Variants in LUZP2 observed in about 807,000 individuals in gnomAD.
LUZP2 encodes leucine zipper protein 2.
Under a neutral mutation model 51.6 loss-of-function variants are expected in LUZP2, and 52 were observed. The observed-to-expected ratio is 1.01, with a 90% CI of 0.81 to 1.27. LUZP2 has a LOEUF of 1.27. LUZP2 is among the 50% of genes most tolerant of loss of function. The pLI, the probability that LUZP2 is intolerant of heterozygous loss-of-function variation, is 0.00. For missense variants in LUZP2, 436 were observed against 395.4 expected (o/e 1.10, Z -0.87); for synonymous variants, 154 against 137.3 (o/e 1.12, Z -0.85).
At chr11:24,675,409 A>C (rs1298143777) in intron 1 of LUZP2, among the ~76,000 whole-genome samples, 3 of 152,212 alleles carry the variant, frequency 2.0e-5, no homozygotes, top group Non-Finnish European at 4.4e-5. Context: ...TACAAATTAG[A>C]TGGTCAAATT....
Position 25,016,933 on chromosome 11 carries a change from T to C in LUZP2, c.766-33105T>C, listed in dbSNP as rs545644524. Among the ~76,000 whole-genome samples, 20 of 122,792 alleles carry C rather than the reference T, an allele frequency of 1.6e-4. No homozygotes were observed. In the South Asian group the frequency reaches 4.5e-3, roughly 28 times the overall value. 80.6% of individuals were successfully genotyped at this position (122,792 alleles called of 152,430 possible). A position where few individuals can be genotyped will look rare whatever the true frequency, so the allele number is the denominator to read the frequency against. On this transcript the variant is annotated intron_variant, in intron 9 of 11. Coordinates refer to ENST00000336930, the MANE Select transcript of LUZP2 (RefSeq NM_001009909.4). ...CCTTTTCATCACTTCCTTGCCGACA[T>C]CATTTTTTTTTTACTTTTTAGTAAT...
chr11:24,860,045 C>A (rs1851691331), intron 5 of LUZP2, among the ~76,000 whole-genome samples: 2 of 152,222 alleles, frequency 1.3e-5, no homozygotes, highest in African/African-American at 4.8e-5. Flanking sequence ...CTGCCTAACT[C>A]CCCGTGCAGG....
At chr11:24,646,292 A>G (rs144399548) in intron 1 of LUZP2, among the ~76,000 whole-genome samples, 5 of 152,228 alleles carry the variant, frequency 3.3e-5, no homozygotes, top group Admixed American at 2.6e-4. Context: ...ATTTTCTACA[A>G]ATGCTTATAA....
At chr11:24,502,320 G>C (rs1265790057) in intron 1 of LUZP2, among the ~76,000 whole-genome samples, 1 of 152,130 alleles carries the variant, frequency 6.6e-6, no homozygotes, top group Admixed American at 6.6e-5. Context: ...AGAGAAGAGA[G>C]GAAGTCAGAG....
chr11:24,941,763 C>G (rs757182019), intron 7 of LUZP2, among the ~76,000 whole-genome samples: 1 of 152,010 alleles, frequency 6.6e-6, no homozygotes, highest in Non-Finnish European at 1.5e-5. Context: ...TATTTATTGT[C>G]AGCTATAAGT....
chr11:24,785,908 T>C (rs1849233184), intron 5 of LUZP2: 6 of 985,242 alleles, frequency 6.1e-6, no homozygotes, highest in Non-Finnish European at 7.2e-6. Flanking sequence ...GCAGCAGTTA[T>C]AACTAGCAGG....
intron 9 of LUZP2, among the ~76,000 whole-genome samples, chr11:25,010,150 C>A (rs1193501398): frequency 6.6e-6 from 1 of 152,164 alleles, no homozygotes; most frequent in South Asian, 2.1e-4. Flanking sequence ...CCAATAATTT[C>A]TATTCAAGTA....
chr11:24,772,141 C>T (rs547469904), intron 5 of LUZP2, among the ~76,000 whole-genome samples: 2 of 152,090 alleles, frequency 1.3e-5, no homozygotes, highest in South Asian at 4.1e-4. Context: ...TTGTGTTTTT[C>T]AAGGAAGAGG....
chr11:24,529,905 C>T (rs375440478), intron 1 of LUZP2, among the ~76,000 whole-genome samples: 18 of 150,890 alleles, frequency 1.2e-4, no homozygotes, highest in African/African-American at 3.6e-4. Context: ...ATAGATATCT[C>T]TATTTTATGA....
intron 5 of LUZP2, among the ~76,000 whole-genome samples, chr11:24,765,467 G>A (rs926847628): frequency 1.5e-4 from 23 of 152,030 alleles, no homozygotes; most frequent in African/African-American, 5.1e-4. Context: ...TTATCATAAA[G>A]GGATCCTGGA....
chr11:24,938,642 G>T (rs986920758), intron 7 of LUZP2, among the ~76,000 whole-genome samples: 3 of 151,472 alleles, frequency 2.0e-5, no homozygotes, highest in Admixed American at 6.6e-5. Context: ...CCTTCTTCAT[G>T]TATTAAATTT....
intron 4 of LUZP2, among the ~76,000 whole-genome samples, chr11:24,761,795 C>T (rs1337166792): frequency 6.6e-6 from 1 of 152,026 alleles, no homozygotes; most frequent in African/African-American, 2.4e-5. Flanking sequence ...ACAAATAAAT[C>T]TCATAAAGTT....
intron 1 of LUZP2, among the ~76,000 whole-genome samples, chr11:24,503,087 G>A (rs994785343): frequency 1.3e-4 from 20 of 152,218 alleles, no homozygotes; most frequent in East Asian, 9.7e-4. Flanking sequence ...CCCAACCATT[G>A]TAGTTTTGAA....
At chr11:24,749,016 A>G (rs901626339) in intron 4 of LUZP2, among the ~76,000 whole-genome samples, 2 of 152,226 alleles carry the variant, frequency 1.3e-5, no homozygotes, top group Non-Finnish European at 2.9e-5. Flanking sequence ...TGATATAGAT[A>G]GTTGATATAA....
rs145448171 is a variant in LUZP2, at chr11:24,729,185, C to G, written c.79C>G (p.Leu27Val). 8 of 1,569,152 alleles carry G rather than the reference C, an allele frequency of 5.1e-6. No homozygotes were observed. Among genetic ancestry groups the G allele is most frequent in the Non-Finnish European group, 7.0e-6 (8 of 1,150,136 alleles). ...CTGTGTTAGACAGGACTATGAAGAGCTAGAAAAGCAGCTGAAAGAAGTCTT... is the reference window on the plus strand; with the variant it reads ...CTGTGTTAGACAGGACTATGAAGAGGTAGAAAAGCAGCTGAAAGAAGTCTT... ...VLSTRQDYEE[L>V]EKQLKEVFKE... The change falls in exon 2 of 12, where the codon CTA becomes GTA. Residue 27 changes from leucine to valine, a missense_variant. Transcript: ENST00000336930.
intron 9 of LUZP2, among the ~76,000 whole-genome samples, chr11:24,983,664 T>G (rs2133915433): frequency 6.6e-6 from 1 of 151,734 alleles, no homozygotes; most frequent in Non-Finnish European, 1.5e-5. Context: ...TTCAGAAAGG[T>G]AAATCATTTT....
At chr11:24,738,166 G>A in intron 3 of LUZP2, 55 bp from the exon 4 acceptor site, 1 of 1,213,306 alleles carries the variant, frequency 8.2e-7, no homozygotes, top group Non-Finnish European at 1.2e-6. Context: ...ATGTTCATAG[G>A]AAATAATGGA....
intron 9 of LUZP2, among the ~76,000 whole-genome samples, chr11:25,012,708 A>G (rs893618412): frequency 1.3e-5 from 2 of 152,208 alleles, no homozygotes; most frequent in Non-Finnish European, 2.9e-5. Flanking sequence ...AGTATGAAAA[A>G]GACAAAAAAT....
In LUZP2 at chr11:24,537,648, GC is replaced by G. The variant is rs1251966891; in HGVS notation, c.62+40344del. 1.3e-4 allele frequency among the ~76,000 whole-genome samples: 6 copies of G among 47,470 alleles called. No individual in the cohort carries two copies. The East Asian group carries it at 6.6e-3, about 52-fold the overall frequency. 31.1% of individuals were successfully genotyped at this position (47,470 alleles called of 152,430 possible). ...TTTATAGCTTTTTACCACTTCTGAA[GC>G]AAAACGTGTTAAATTTTGTAAAGGT... On this transcript the variant is annotated intron_variant, in intron 1 of 11. Coordinates refer to ENST00000336930, the MANE Select transcript of LUZP2 (RefSeq NM_001009909.4).
Sources: gnomAD v4.1 joint callset for allele counts (sites outside exome capture counted in the v4.1 genomes callset) on GRCh38, gnomAD v4.1.1 for gene constraint, MANE v1.5 for transcripts, NCBI Gene and HGNC (gene_info 2026-07-23, HGNC 2026-07-21) for gene names.